The following GCLC variants were observed in gnomAD, a reference collection of about 807,000 sequenced individuals.
The protein encoded by GCLC is glutamate--cysteine ligase catalytic subunit.
Under a neutral mutation model 81.5 loss-of-function variants are expected in GCLC, and 30 were observed. The observed-to-expected ratio is 0.37, with a 90% CI of 0.28 to 0.50. The LOEUF is 0.50. Among genes scored for constraint, GCLC ranks in the 20% least tolerant of loss-of-function variants. GCLC has a pLI of 0.96. For synonymous variants in GCLC, 262 were observed against 273.3 expected, an observed-to-expected ratio of 0.96 and a Z score of 0.41; for missense variants, 556 against 777.4, an observed-to-expected ratio of 0.72 and a Z score of 3.39.
At chr6:53,538,317 A>C (rs1418637528) in intron 1 of GCLC, among the ~76,000 whole-genome samples, 1 of 145,730 alleles carries the variant, frequency 6.9e-6, no homozygotes, top group Non-Finnish European at 1.5e-5. Flanking sequence ...ATGCCTGGCA[A>C]GCTATGCATT....
Position 53,529,697 on chromosome 6 carries a change from A to G in GCLC, c.151-7170T>C, listed in dbSNP as rs900025891. On this transcript the variant is annotated intron_variant, in intron 1 of 15. Coordinates refer to ENST00000650454, the MANE Select transcript of GCLC (RefSeq NM_001498.4). ...TTCCTTGGCTTTTTCCTAAGAACGT[A>G]TTCCCCTGCTAGAGTTCTAGTCACC... is the stretch of plus-strand genomic sequence containing the variant. Among the ~76,000 whole-genome samples the G allele has an allele frequency of 2.6e-5, 4 of 152,392 alleles. No individual in the cohort carries two copies. The South Asian group carries it at 8.3e-4, about 32-fold the overall frequency.
At chr6:53,519,092 C>A (rs1762937494) in intron 3 of GCLC, among the ~76,000 whole-genome samples, 1 of 152,222 alleles carries the variant, frequency 6.6e-6, no homozygotes, top group Non-Finnish European at 1.5e-5. Flanking sequence ...ACACTACAGC[C>A]CAAGTGAGGG....
At chr6:53,511,085 A>G (rs1257814023) in intron 6 of GCLC, among the ~76,000 whole-genome samples, 1 of 151,858 alleles carries the variant, frequency 6.6e-6, no homozygotes, top group Admixed American at 6.6e-5. Flanking sequence ...TTATTTGCTG[A>G]AGTAGAAGCT....
intron 1 of GCLC, among the ~76,000 whole-genome samples, chr6:53,533,902 C>G (rs1226239105): frequency 6.6e-6 from 1 of 151,446 alleles, no homozygotes; most frequent in Non-Finnish European, 1.5e-5. Context: ...TCAAGTGATT[C>G]TCCTGCCCCA....
intron 1 of GCLC, among the ~76,000 whole-genome samples, chr6:53,538,672 T>C (rs2127631014): frequency 1.3e-5 from 2 of 152,280 alleles, no homozygotes; most frequent in East Asian, 3.9e-4. Context: ...ATGGATGATA[T>C]ATCAGCCCTT....
At chr6:53,533,844 G>A (rs1763213317) in intron 1 of GCLC, among the ~76,000 whole-genome samples, 2 of 150,832 alleles carry the variant, frequency 1.3e-5, no homozygotes, top group Admixed American at 6.6e-5. Context: ...GCCCAGGCTG[G>A]AGTGCAATGG....
intron 1 of GCLC, among the ~76,000 whole-genome samples, chr6:53,540,322 C>A (rs201404862): frequency 1.1e-3 from 131 of 124,490 alleles, no homozygotes; most frequent in Middle Eastern, 4.5e-3. Flanking sequence ...TATTCAGCCT[C>A]AAAAAAGAAA....
Position 53,522,594 on chromosome 6 carries a change from G to A in GCLC, c.151-67C>T, listed in dbSNP as rs181750063. ...CTTGTTTTCAGTGTGGCCTCCAGAAGAAAAAGGCAGGGAAACGTGAAGTCT... is the reference window on the plus strand; with the variant it reads ...CTTGTTTTCAGTGTGGCCTCCAGAAAAAAAAGGCAGGGAAACGTGAAGTCT... On this transcript the variant is annotated intron_variant, in intron 1 of 15. Transcript: ENST00000650454. 21 of 964,728 alleles carry A rather than the reference G, an allele frequency of 2.2e-5. No homozygotes were observed. The East Asian group carries it at 4.9e-4, about 22-fold the overall frequency. The allele number at this position is 964,728 out of a possible 1,614,324, so 59.8% of individuals were successfully genotyped here. A position where few individuals can be genotyped will look rare whatever the true frequency, so the allele number is the denominator to read the frequency against.
intron 12 of GCLC, among the ~76,000 whole-genome samples, chr6:53,502,985 A>G (rs1764541336): frequency 6.6e-6 from 1 of 152,232 alleles, no homozygotes; most frequent in Non-Finnish European, 1.5e-5. Context: ...AGTGTCAAGC[A>G]CTAATGAGTA....
chr6:53,526,534 C>G (rs1050696097), intron 1 of GCLC, among the ~76,000 whole-genome samples: 15 of 152,134 alleles, frequency 9.9e-5, no homozygotes, highest in Non-Finnish European at 1.9e-4. Flanking sequence ...CACGGTGGCT[C>G]ATGCCTGTAA....
chr6:53,518,384 G>A (rs1173937393), intron 3 of GCLC, among the ~76,000 whole-genome samples: 1 of 152,090 alleles, frequency 6.6e-6, no homozygotes, highest in Non-Finnish European at 1.5e-5. Flanking sequence ...CGGAGTAGCT[G>A]GGATTACAGG....
intron 1 of GCLC, among the ~76,000 whole-genome samples, chr6:53,538,135 C>CTTTT (rs1561952584): frequency 1.9e-5 from 2 of 103,888 alleles, no homozygotes; most frequent in East Asian, 3.3e-4. Flanking sequence ...TTTTTTCTTT[C>CTTTT]CTTTTTTTTT....
rs71546114 is a variant in GCLC at position 53,517,079 on chromosome 6, ATTTTTT to A, written c.447-863_447-858del. Among the ~76,000 whole-genome samples the A allele has an allele frequency of 1.3e-4, 14 of 104,414 alleles. No homozygotes were observed. In the South Asian group the frequency reaches 1.7e-3, roughly 13 times the overall value. 68.5% of individuals were successfully genotyped at this position (104,414 alleles called of 152,430 possible). A position where few individuals can be genotyped will look rare whatever the true frequency, so the allele number is the denominator to read the frequency against. ...ACTAGCTCATATCTTTTAAAAAAAA[ATTTTTT>A]TTTTTTTTTTTTTTTTTCTGAGAAA... On this transcript the variant is annotated intron_variant, in intron 3 of 15. Transcript: ENST00000650454.
chr6:53,504,220 G>GC (rs1389643862), intron 12 of GCLC, among the ~76,000 whole-genome samples: 2 of 123,650 alleles, frequency 1.6e-5, no homozygotes, highest in Non-Finnish European at 3.3e-5. Context: ...CTTTCCAGTT[G>GC]CTTTTTTTTT....
chr6:53,534,348 T>C (rs1042969583), intron 1 of GCLC, among the ~76,000 whole-genome samples: 11 of 152,050 alleles, frequency 7.2e-5, no homozygotes, highest in African/African-American at 1.7e-4. Context: ...ACCACAATGA[T>C]AGCCAGCTTT....
In GCLC at chr6:53,510,253, G is replaced by A. The variant is rs1432353549; in HGVS notation, c.754-1003C>T. The A allele has an allele frequency of 3.3e-5, 5 of 152,162 alleles. No homozygotes were observed. The East Asian group carries it at 9.7e-4, about 29-fold the overall frequency. The allele number at this position is 152,162 out of a possible 1,614,324, so 9.4% of individuals were successfully genotyped here. A position where few individuals can be genotyped will look rare whatever the true frequency, so the allele number is the denominator to read the frequency against. Reference sequence around the variant, plus strand: ...GAAAAAGAGGCCCTCTAAGTGGCTAGGTCTTCAGGGCTGGTGCCCAGAAGA... The same window carrying A: ...GAAAAAGAGGCCCTCTAAGTGGCTAAGTCTTCAGGGCTGGTGCCCAGAAGA... On this transcript the variant is annotated intron_variant, in intron 6 of 15. Transcript: ENST00000650454.
At chr6:53,514,569 T>C (rs1429379662) in intron 4 of GCLC, 72 bp from the exon 5 acceptor site, 4 of 1,027,722 alleles carry the variant, frequency 3.9e-6, no homozygotes, top group Non-Finnish European at 6.2e-6. Context: ...TTTGATTACA[T>C]ACAAGTAAGT....
In GCLC at chr6:53,506,256, GA is replaced by G; in HGVS notation, c.1198-362del. The G allele has an allele frequency of 3.1e-6, 1 of 325,384 alleles. No individual in the cohort carries two copies. Among genetic ancestry groups the G allele is most frequent in the South Asian group, 2.7e-5 (1 of 36,528 alleles). 20.2% of individuals were successfully genotyped at this position (325,384 alleles called of 1,614,324 possible). A position where few individuals can be genotyped will look rare whatever the true frequency, so the allele number is the denominator to read the frequency against. On this transcript the variant is annotated intron_variant, in intron 10 of 15. Coordinates refer to ENST00000650454, the MANE Select transcript of GCLC (RefSeq NM_001498.4). This position sits in a 1 kb window ranked among gnomAD's most constrained non-coding sequence, Gnocchi z 4.0. ...GGTGACACTGGACACTTTCATCTGA[GA>G]ACCCTGTCACATGACAGTTGTTTCC...
chr6:53,516,293 A>C (rs890924014), intron 3 of GCLC, 71 bp from the exon 4 acceptor site: 2 of 965,572 alleles, frequency 2.1e-6, no homozygotes, highest in African/African-American at 1.6e-5. Flanking sequence ...TCTTGCCATC[A>C]CTGCACCTGC....
Sources: gnomAD v4.1 joint callset for allele counts (sites outside exome capture counted in the v4.1 genomes callset) on GRCh38, gnomAD v4.1.1 for gene constraint, Gnocchi (gnomAD v3.1) non-coding constraint, MANE v1.5 for transcripts, NCBI Gene and HGNC (gene_info 2026-07-23, HGNC 2026-07-21) for gene names.